MCC: variants seen among roughly 807,000 people sequenced by gnomAD.
MCC encodes the protein colorectal mutant cancer protein.
MCC carries 90 observed loss-of-function variants against 116.2 expected under a neutral mutation model. That is an observed-to-expected ratio of 0.77 (90% confidence interval 0.65 to 0.92). MCC has a LOEUF of 0.92. Among genes scored for constraint, MCC ranks in the 40% least tolerant of loss-of-function variants. The probability of loss-of-function intolerance (pLI) is 0.00; values close to 1 mark genes in which losing one functional copy is unlikely to be tolerated. For synonymous variants in MCC, 578 were observed against 510.5 expected (o/e 1.13, Z -1.78); for missense variants, 1,516 against 1,312.2 (o/e 1.16, Z -2.40).
At chr5:113,343,564 A>G (rs893500375) in intron 2 of MCC, among the ~76,000 whole-genome samples, 7 of 152,244 alleles carry the variant, frequency 4.6e-5, no homozygotes, top group African/African-American at 1.7e-4. Context: ...CATTGGACTG[A>G]GTCACAGACG....
chr5:113,231,866 C>T (rs778362060), intron 3 of MCC, among the ~76,000 whole-genome samples: 1 of 152,126 alleles, frequency 6.6e-6, no homozygotes, highest in Non-Finnish European at 1.5e-5. Flanking sequence ...CAATGAACAT[C>T]CAAATCATTG....
At position 113,198,282 on chromosome 5, in the gene MCC, C is replaced by T. The variant is rs114155193; in HGVS notation, c.628-46860G>A. On this transcript the variant is annotated intron_variant, in intron 3 of 18. Transcript: ENST00000408903. The stretch of plus-strand genomic sequence containing the variant: ...TGTCATTTGAGTCCTTCTTCCCCTA[C>T]CACCTCAGCACCTAACACCTAGCAG... Among the ~76,000 whole-genome samples the T allele has an allele frequency of 4.1e-3, 617 of 152,322 alleles. 4 individuals carry two copies. The highest frequency in any genetic ancestry group is 0.014 in the African/African-American group (583 of 41,574).
rs181952506 is a variant in MCC at position 113,455,993 on chromosome 5, C to T, written c.170+32252G>A. Among the ~76,000 whole-genome samples the T allele has an allele frequency of 2.6e-4, 39 of 152,302 alleles. No homozygotes were observed. The East Asian group carries it at 7.5e-3, about 29-fold the overall frequency. On this transcript the variant is annotated intron_variant, in intron 1 of 18. Coordinates refer to ENST00000408903, the MANE Select transcript of MCC (RefSeq NM_001085377.2). The stretch of plus-strand genomic sequence containing the variant: ...ATAAACTAGAATTTAATGCCTTACT[C>T]CAGAACTCTACTCTTTTAAAAAGGT...
chr5:113,061,952 G>A (rs1392896660), intron 14 of MCC, among the ~76,000 whole-genome samples: 1 of 152,240 alleles, frequency 6.6e-6, no homozygotes, highest in Non-Finnish European at 1.5e-5. Flanking sequence ...AAGGGGTCTG[G>A]TGCTTTGGGA....
chr5:113,294,416 C>T (rs777915663), intron 3 of MCC: 7 of 1,613,384 alleles, frequency 4.3e-6, no homozygotes, highest in African/African-American at 1.3e-5. Flanking sequence ...GCTCTCAGTC[C>T]CCCAGGTCTC....
rs918429442 is a variant in MCC at position 113,023,764 on chromosome 5, T to TATCA, written c.*3534_*3537dup. On this transcript the variant is annotated 3_prime_UTR_variant, in exon 19 of 19. Coordinates refer to ENST00000408903, the MANE Select transcript of MCC (RefSeq NM_001085377.2). Reference sequence around the variant, plus strand: ...TTTTTTAATAGTCATCTTGATATGTTATCACTTTAAAGCTTGATAATCGAA... The same window carrying TATCA: ...TTTTTTAATAGTCATCTTGATATGTTATCAATCACTTTAAAGCTTGATAATCGAA... 3.3e-5 allele frequency: 5 copies of TATCA among 152,242 alleles called. No homozygotes were observed. Among genetic ancestry groups the TATCA allele is most frequent in the African/African-American group, 1.2e-4 (5 of 41,468 alleles). 9.4% of individuals were successfully genotyped at this position (152,242 alleles called of 1,614,324 possible).
At chr5:113,324,161 C>T (rs1767491176) in intron 3 of MCC, among the ~76,000 whole-genome samples, 1 of 151,976 alleles carries the variant, frequency 6.6e-6, no homozygotes, top group South Asian at 2.1e-4. Context: ...TCTATAGAAC[C>T]CCAGAATCCT....
At chr5:113,242,132 G>A (rs1249504699) in intron 3 of MCC, among the ~76,000 whole-genome samples, 1 of 152,138 alleles carries the variant, frequency 6.6e-6, no homozygotes, top group Non-Finnish European at 1.5e-5. Context: ...GACCAATACT[G>A]CAAGGTATAC....
chr5:113,077,588 A>C (rs1255187121), intron 11 of MCC, among the ~76,000 whole-genome samples: 2 of 152,236 alleles, frequency 1.3e-5, no homozygotes, highest in Non-Finnish European at 2.9e-5. Context: ...GGCAGAAATA[A>C]AGATGTTCTT....
At chr5:113,112,877 T>G (rs564131495) in intron 6 of MCC, among the ~76,000 whole-genome samples, 57 of 152,386 alleles carry the variant, frequency 3.7e-4, no homozygotes, top group African/African-American at 1.3e-3. Flanking sequence ...GTTAATCCAG[T>G]GTCAAATTTA....
At chr5:113,267,791 C>T (rs1765474246) in intron 3 of MCC, among the ~76,000 whole-genome samples, 2 of 152,132 alleles carry the variant, frequency 1.3e-5, no homozygotes, top group Non-Finnish European at 2.9e-5. Context: ...GTAATGGTTG[C>T]ACAGTCCTGG....
rs369840362 is a variant in MCC at position 113,071,067 on chromosome 5, G to T, written c.1925+27C>A. On this transcript the variant is annotated intron_variant, in intron 12 of 18. Transcript: ENST00000408903. Reference sequence around the variant, plus strand: ...CTGGATGCACTTCTACCCTGAAGTAGCTCCAAACATCCCAGTGTGTGCCTA... The same window carrying T: ...CTGGATGCACTTCTACCCTGAAGTATCTCCAAACATCCCAGTGTGTGCCTA... 3.8e-6 allele frequency: 6 copies of T among 1,596,136 alleles called. No homozygotes were observed. In the East Asian group the frequency reaches 9.0e-5, roughly 24 times the overall value.
Position 113,240,216 on chromosome 5 carries a change from C to T in MCC, c.628-88794G>A, listed in dbSNP as rs556620632. 3.9e-5 allele frequency among the ~76,000 whole-genome samples: 6 copies of T among 152,208 alleles called. No individual in the cohort carries two copies. In the South Asian group the frequency reaches 6.2e-4, roughly 16 times the overall value. Reference sequence around the variant, plus strand: ...CCCTTCTCCCCAGCAGAGTAGTTGGCCCGGTGTTGAAAACTTGACCCAATT... The same window carrying T: ...CCCTTCTCCCCAGCAGAGTAGTTGGTCCGGTGTTGAAAACTTGACCCAATT... On this transcript the variant is annotated intron_variant, in intron 3 of 18. Coordinates refer to ENST00000408903, the MANE Select transcript of MCC (RefSeq NM_001085377.2).
chr5:113,063,297 C>T (rs958498059), intron 14 of MCC, among the ~76,000 whole-genome samples: 15 of 152,228 alleles, frequency 9.9e-5, no homozygotes, highest in African/African-American at 3.4e-4. Flanking sequence ...TGACTCTCCA[C>T]TCCCATCCAA....
At chr5:113,142,876 G>A (rs1376602239) in intron 5 of MCC, among the ~76,000 whole-genome samples, 1 of 151,776 alleles carries the variant, frequency 6.6e-6, no homozygotes, top group Non-Finnish European at 1.5e-5. Flanking sequence ...AAGATGGAAG[G>A]GGCTCCATTT....
intron 3 of MCC, among the ~76,000 whole-genome samples, chr5:113,275,143 T>C (rs1765775516): frequency 1.3e-5 from 2 of 152,116 alleles, no homozygotes; most frequent in Non-Finnish European, 2.9e-5. Flanking sequence ...ACTGGATTAA[T>C]GAGCTCCTTA....
chr5:113,447,965 T>C (rs1771270066), intron 1 of MCC, among the ~76,000 whole-genome samples: 1 of 152,130 alleles, frequency 6.6e-6, no homozygotes, highest in Non-Finnish European at 1.5e-5. Flanking sequence ...CCTATGGGCT[T>C]GAATCTGGCC....
At chr5:113,065,610 C>T (rs1317501772) in intron 13 of MCC, among the ~76,000 whole-genome samples, 4 of 152,222 alleles carry the variant, frequency 2.6e-5, no homozygotes, top group African/African-American at 9.6e-5. Context: ...CCCAGAGAAA[C>T]TCCTCCAGCT....
At chr5:113,074,279 G>C (rs1419389074) in intron 11 of MCC, among the ~76,000 whole-genome samples, 1 of 152,200 alleles carries the variant, frequency 6.6e-6, no homozygotes, top group African/African-American at 2.4e-5. Flanking sequence ...GGTCTGGAGT[G>C]GACCTCCAGC....
Sources: gnomAD v4.1 joint callset for allele counts (sites outside exome capture counted in the v4.1 genomes callset) on GRCh38, gnomAD v4.1.1 for gene constraint, MANE v1.5 for transcripts, NCBI Gene and HGNC (gene_info 2026-07-23, HGNC 2026-07-21) for gene names.